The following BNIP2 variants were observed in gnomAD, a reference collection of about 807,000 sequenced individuals.
BNIP2 encodes BCL2 interacting protein 2, also known as BCL2/adenovirus E1B 19 kDa protein-interacting protein 2.
BNIP2 carries 36 observed loss-of-function variants against 43.4 expected under a neutral mutation model. The ratio of observed to expected loss-of-function variants is 0.83; its 90% CI spans 0.64 to 1.10. BNIP2 has a LOEUF of 1.10. Among genes scored for constraint, BNIP2 ranks in the 50% least tolerant of loss-of-function variants. BNIP2 has a pLI of 0.00. For missense variants in BNIP2, 417 were observed against 374.1 expected (o/e 1.11, Z -0.95); for synonymous variants, 146 against 121.0 (o/e 1.21, Z -1.35).
At chr15:59,669,715 G>A (rs1229549718) in intron 7 of BNIP2, among the ~76,000 whole-genome samples, 1 of 152,176 alleles carries the variant, frequency 6.6e-6, no homozygotes, top group Non-Finnish European at 1.5e-5. Context: ...GGAGAAATTG[G>A]TGCTAAGTTC....
In BNIP2 at chr15:59,671,175, T is replaced by G. The variant is rs766042901; in HGVS notation, c.707+8A>C. 3 of 1,581,316 alleles carry G rather than the reference T, an allele frequency of 1.9e-6. No individual in the cohort carries two copies. The East Asian group carries it at 6.8e-5, about 36-fold the overall frequency. On this transcript the variant is annotated splice_region_variant and intron_variant, in intron 7 of 9. Transcript: ENST00000607373. ...TTCAGACTAGCTTTCAACTTGTATTTGTATTACCTTCTATCAATTTGCTGA... is the reference window on the plus strand; with the variant it reads ...TTCAGACTAGCTTTCAACTTGTATTGGTATTACCTTCTATCAATTTGCTGA...
At chr15:59,678,944 G>A (rs1249377438) in intron 4 of BNIP2, 17 of 1,074,202 alleles carry the variant, frequency 1.6e-5, no homozygotes, top group East Asian at 1.5e-4. Flanking sequence ...CAGTAAAACA[G>A]GGAAGAAAAA....
At position 59,661,958 on chromosome 15, in the gene BNIP2, A is replaced by C. The variant is rs552013021; in HGVS notation, c.*2111T>G. 174 of 152,308 alleles carry C rather than the reference A, an allele frequency of 1.1e-3. 2 individuals are homozygous for C. The highest frequency in any genetic ancestry group is 3.9e-3 in the African/African-American group (164 of 41,564). The allele number at this position is 152,308 out of a possible 1,614,324, so 9.4% of individuals were successfully genotyped here. Reference sequence around the variant, plus strand: ...CAGCACCTCATTTTCATTATATCCCAGGTGTTATCACTGTTGTCTCTGAAT... The same window carrying C: ...CAGCACCTCATTTTCATTATATCCCCGGTGTTATCACTGTTGTCTCTGAAT... On this transcript the variant is annotated 3_prime_UTR_variant, in exon 10 of 10. Transcript: ENST00000607373.
At chr15:59,678,579 C>A in intron 4 of BNIP2, 1 of 1,110,438 alleles carries the variant, frequency 9.0e-7, no homozygotes, top group East Asian at 7.3e-5. Flanking sequence ...TTTTATAAAG[C>A]AGAAATGTAT....
chr15:59,680,153 A>ATT, intron 3 of BNIP2, 88 bp downstream of exon 3: 2 of 914,580 alleles, frequency 2.2e-6, no homozygotes, highest in Non-Finnish European at 3.1e-6. Flanking sequence ...TAAAAACTCA[A>ATT]GTTTTTTTTT....
Position 59,689,137 on chromosome 15 carries a change from C to A in BNIP2, c.-60G>T, listed in dbSNP as rs1246383754. ...GAGTTCTCCCAGGCCGCACTCACCC[C>A]GGAGGAAGCCTTGGCCCCCTCGTCC... On this transcript the variant is annotated splice_region_variant and 5_prime_UTR_variant, in exon 1 of 10. Transcript: ENST00000607373. The A allele has an allele frequency of 5.9e-6, 9 of 1,536,718 alleles. No individual in the cohort carries two copies. Among genetic ancestry groups the A allele is most frequent in the Non-Finnish European group, 7.9e-6 (9 of 1,146,278 alleles).
chr15:59,688,979 C>T (rs1456815621), intron 1 of BNIP2, 156 bp downstream of exon 1: 2 of 1,442,468 alleles, frequency 1.4e-6, no homozygotes, highest in East Asian at 2.5e-5. Flanking sequence ...GGAAGCACCT[C>T]CCGAGCAGGT....
intron 5 of BNIP2, among the ~76,000 whole-genome samples, chr15:59,674,860 C>G (rs1458763462): frequency 6.6e-6 from 1 of 152,132 alleles, no homozygotes; most frequent in African/African-American, 2.4e-5. Flanking sequence ...TTTCCTATTT[C>G]TTAAGGGCAG....
intron 3 of BNIP2, 45 bp downstream of exon 3, chr15:59,680,196 A>G (rs1489798181): frequency 7.2e-7 from 1 of 1,388,604 alleles, no homozygotes; most frequent in Non-Finnish European, 9.6e-7. Flanking sequence ...TTAAAAAATA[A>G]CACAAAGTCC....
intron 1 of BNIP2, among the ~76,000 whole-genome samples, chr15:59,686,273 G>C (rs1416681286): frequency 1.3e-5 from 2 of 152,206 alleles, no homozygotes; most frequent in Non-Finnish European, 2.9e-5. Flanking sequence ...ATTTAGGCCA[G>C]GCTCAGTGGC....
intron 1 of BNIP2, 127 bp downstream of exon 1, chr15:59,689,008 A>C (rs1399364187): frequency 6.9e-7 from 1 of 1,444,090 alleles, no homozygotes; most frequent in African/African-American, 1.4e-5. Context: ...TCCCCCTACC[A>C]AGGGTAACTC....
intron 5 of BNIP2, among the ~76,000 whole-genome samples, chr15:59,674,526 G>A (rs1450255096): frequency 6.6e-6 from 1 of 152,136 alleles, no homozygotes; most frequent in African/African-American, 2.4e-5. Flanking sequence ...CTTCATCTGA[G>A]TACGATTAAA....
Position 59,689,241 on chromosome 15 carries a change from C to A in BNIP2, c.-164G>T, listed in dbSNP as rs1037323397. The A allele has an allele frequency of 2.6e-6, 4 of 1,542,558 alleles. No individual in the cohort carries two copies. The African/African-American group carries it at 5.5e-5, about 21-fold the overall frequency. On this transcript the variant is annotated 5_prime_UTR_variant, in exon 1 of 10. Coordinates refer to ENST00000607373, the MANE Select transcript of BNIP2 (RefSeq NM_004330.4). ...AGGGCCGAGCGGAGCCCGCTCCCCT[C>A]GGTCGGCGGTGGAGACCCCGGCCCA...
chr15:59,672,438 T>A (rs902060684), intron 6 of BNIP2, 199 bp downstream of exon 6: 26 of 439,704 alleles, frequency 5.9e-5, no homozygotes, highest in Non-Finnish European at 6.2e-5. Flanking sequence ...CATGCCTGGC[T>A]AATTTTTTGA....
At chr15:59,678,827 G>A in intron 4 of BNIP2, 6 of 1,302,812 alleles carry the variant, frequency 4.6e-6, no homozygotes, top group South Asian at 1.2e-5. Flanking sequence ...TATCCTTCCA[G>A]GAAATGACTA....
chr15:59,687,482 G>T (rs990019501), intron 1 of BNIP2, among the ~76,000 whole-genome samples: 2 of 151,818 alleles, frequency 1.3e-5, no homozygotes, highest in Admixed American at 6.6e-5. Context: ...CTCCCGAGTA[G>T]CTGGGATTGC....
At chr15:59,668,789 G>A in intron 9 of BNIP2, 103 bp downstream of exon 9, 1 of 1,086,386 alleles carries the variant, frequency 9.2e-7, no homozygotes, top group South Asian at 1.6e-5. Flanking sequence ...CGCGCGCACA[G>A]TTATAAAATA....
rs1215523019 is a variant in BNIP2, at chr15:59,678,532, T to C, written c.296-445A>G. ...ATTAACTGTAATACCAGATAGGAAG[T>C]GGTTAACTACTCAATGATCACTTCT... On this transcript the variant is annotated intron_variant, in intron 4 of 9. Coordinates refer to ENST00000607373, the MANE Select transcript of BNIP2 (RefSeq NM_004330.4). 10 of 1,074,370 alleles carry C rather than the reference T, an allele frequency of 9.3e-6. No individual in the cohort carries two copies. In the South Asian group the frequency reaches 2.6e-4, roughly 28 times the overall value. The allele number at this position is 1,074,370 out of a possible 1,614,324, so 66.6% of individuals were successfully genotyped here.
intron 2 of BNIP2, among the ~76,000 whole-genome samples, chr15:59,682,009 A>G (rs1160073048): frequency 1.3e-5 from 2 of 152,144 alleles, no homozygotes; most frequent in Non-Finnish European, 2.9e-5. Flanking sequence ...CCTAGTATCA[A>G]ATGATCGCCT....
Sources: allele counts gnomAD v4.1 joint callset (sites outside exome capture counted in the v4.1 genomes callset), GRCh38; gene constraint gnomAD v4.1.1; transcripts MANE v1.5; gene names NCBI Gene and HGNC (gene_info 2026-07-23, HGNC 2026-07-21).